Variants in RAPGEF3 observed in about 807,000 individuals in gnomAD.
The protein encoded by RAPGEF3 is 9330170P05Rik.
Under a neutral mutation model 129.8 loss-of-function variants are expected in RAPGEF3, and 103 were observed. The ratio of observed to expected loss-of-function variants is 0.79; its 90% CI spans 0.68 to 0.93. The LOEUF (loss-of-function observed/expected upper bound fraction) is 0.93. Ranked by LOEUF, RAPGEF3 falls within the 40% of genes least tolerant of loss-of-function variation. RAPGEF3 has a pLI of 0.00. For synonymous variants in RAPGEF3, 436 were observed against 482.6 expected (o/e 0.90, Z 1.26); for missense variants, 1,117 against 1,207.4 (o/e 0.93, Z 1.11).
chr12:47,749,390 C>CG lies in RAPGEF3; in HGVS notation c.1040_1041insC (p.Lys347AsnfsTer66). 1 of 1,612,114 alleles carries CG rather than the reference C, an allele frequency of 6.2e-7. No individual in the cohort carries two copies. Among genetic ancestry groups the CG allele is most frequent in the South Asian group, 1.1e-5 (1 of 91,086 alleles). On this transcript the variant is annotated frameshift_variant and splice_region_variant, in exon 10 of 28. Coordinates refer to ENST00000449771, the MANE Select transcript of RAPGEF3 (RefSeq NM_001098531.4). LOFTEE classifies it high-confidence loss of function. This position sits in a 1 kb window ranked among gnomAD's most constrained non-coding sequence, Gnocchi z 4.5. ...CCCTCCCCAACCCCAGCAGCAGCAC[C>CG]TTGATGATACGGTTGAAGTCCTGCT... is the stretch of plus-strand genomic sequence containing the variant.
At chr12:47,747,233 A>G (rs1221253916) in intron 15 of RAPGEF3, among the ~76,000 whole-genome samples, 1 of 152,198 alleles carries the variant, frequency 6.6e-6, no homozygotes, top group East Asian at 1.9e-4. Context: ...AGTCTAGGAA[A>G]TGTACCGGGC....
rs1199125811 is a variant in RAPGEF3, at chr12:47,749,034, C to G, written c.1042-103G>C. ...GCCCCTGAGCCCCATGAGGGTCCCA[C>G]AGGGACCCACAGCCCTTCTCCCACC... On this transcript the variant is annotated intron_variant, in intron 10 of 27. Transcript: ENST00000449771. The surrounding 1 kb of genome is among the most constrained non-coding windows in gnomAD (Gnocchi z 4.5). The G allele has an allele frequency of 1.7e-5, 16 of 955,964 alleles. No individual in the cohort carries two copies. The highest frequency in any genetic ancestry group is 4.4e-5 in the South Asian group (3 of 68,796). 59.2% of individuals were successfully genotyped at this position (955,964 alleles called of 1,614,324 possible). A position where few individuals can be genotyped will look rare whatever the true frequency, so the allele number is the denominator to read the frequency against.
intron 23 of RAPGEF3, 31 bp downstream of exon 23, chr12:47,740,110 A>C (rs1941051129): frequency 6.2e-7 from 1 of 1,606,166 alleles, no homozygotes; most frequent in East Asian, 2.2e-5. Flanking sequence ...TGATCCTAGC[A>C]GAGCCAGGCC....
At chr12:47,738,849 C>T (rs1940959496) in intron 24 of RAPGEF3, 95 bp from the exon 25 acceptor site, 1 of 1,140,420 alleles carries the variant, frequency 8.8e-7, no homozygotes, top group Admixed American at 1.7e-5. Flanking sequence ...TTGGGCCTAC[C>T]TCACCCCATA....
At chr12:47,757,839 G>T in intron 2 of RAPGEF3, 27 bp downstream of exon 2, 2 of 1,537,398 alleles carry the variant, frequency 1.3e-6, no homozygotes, top group Non-Finnish European at 8.8e-7. Context: ...ACTGGCCCTG[G>T]CACCTGGGCA....
Position 47,758,857 on chromosome 12 carries a change from C to A in RAPGEF3, c.-301G>T, listed in dbSNP as rs1942262235. On this transcript the variant is annotated 5_prime_UTR_variant, in exon 1 of 28. Coordinates refer to ENST00000449771, the MANE Select transcript of RAPGEF3 (RefSeq NM_001098531.4). ...CTCAGACGAAGGAGCCAGCTGGCAC[C>A]GGGCGCTGAAGCAAGGCTGCGCTGG... 1 of 1,180,732 alleles carries A rather than the reference C, an allele frequency of 8.5e-7. No homozygotes were observed. Among genetic ancestry groups the A allele is most frequent in the East Asian group, 3.9e-5 (1 of 25,698 alleles). 73.1% of individuals were successfully genotyped at this position (1,180,732 alleles called of 1,614,324 possible). A position where few individuals can be genotyped will look rare whatever the true frequency, so the allele number is the denominator to read the frequency against.
At chr12:47,753,531 G>A (rs1183462824) in intron 2 of RAPGEF3, among the ~76,000 whole-genome samples, 1 of 152,266 alleles carries the variant, frequency 6.6e-6, no homozygotes, top group East Asian at 1.9e-4. Flanking sequence ...CCAGGGCTGG[G>A]CGGAAGTCAC....
chr12:47,750,255 C>T lies in RAPGEF3; in HGVS notation c.756+86G>A, dbSNP rs1270347854. 3.6e-6 allele frequency: 5 copies of T among 1,401,756 alleles called. No homozygotes were observed. In the African/African-American group the frequency reaches 7.1e-5, roughly 20 times the overall value. The allele number at this position is 1,401,756 out of a possible 1,614,324, so 86.8% of individuals were successfully genotyped here. On this transcript the variant is annotated intron_variant, in intron 7 of 27. Coordinates refer to ENST00000449771, the MANE Select transcript of RAPGEF3 (RefSeq NM_001098531.4). ...CCATAGATGGAAGTGGAGAAATGCCCTCTGGCCCAGCAGTTGGAGTTTCAG... is the reference window on the plus strand; with the variant it reads ...CCATAGATGGAAGTGGAGAAATGCCTTCTGGCCCAGCAGTTGGAGTTTCAG...
At chr12:47,741,237 G>A (rs1941146860) in intron 19 of RAPGEF3, 197 bp from the exon 20 acceptor site, 2 of 772,604 alleles carry the variant, frequency 2.6e-6, no homozygotes, top group South Asian at 3.7e-5. Flanking sequence ...CCTCCTTTTG[G>A]GCTCCTGTCT....
In RAPGEF3 at chr12:47,758,736, G is replaced by T; in HGVS notation, c.-180C>A. 1 of 1,334,402 alleles carries T rather than the reference G, an allele frequency of 7.5e-7. No individual in the cohort carries two copies. The allele number at this position is 1,334,402 out of a possible 1,614,324, so 82.7% of individuals were successfully genotyped here. ...AGGGCAGCAGGATGCAGGGCTCGGTGGAGAGGCTCCTCTTGGGTGAGTAGA... is the reference window on the plus strand; with the variant it reads ...AGGGCAGCAGGATGCAGGGCTCGGTTGAGAGGCTCCTCTTGGGTGAGTAGA... On this transcript the variant is annotated 5_prime_UTR_variant, in exon 1 of 28. Transcript: ENST00000449771.
Position 47,740,699 on chromosome 12 carries a change from C to T in RAPGEF3, c.2174G>A (p.Cys725Tyr), listed in dbSNP as rs1188065302. ...QYWVATELCL[C>Y]PVPGPRAQLL... ...CTGGGCCCGGGGGCCGGGCACGGGG[C>T]AGAGACACAGCTCGGTGGCCACCCA... Residue 725 changes from cysteine to tyrosine, a missense_variant, in exon 21 of 28, where the codon TGC becomes TAC. Transcript: ENST00000449771. 5.6e-6 allele frequency: 9 copies of T among 1,613,840 alleles called. No individual in the cohort carries two copies. The highest frequency in any genetic ancestry group is 1.3e-5 in the African/African-American group (1 of 74,948).
chr12:47,737,525 C>T lies in RAPGEF3; in HGVS notation c.*42G>A, dbSNP rs1356443777. The T allele has an allele frequency of 6.3e-7, 1 of 1,578,206 alleles. No homozygotes were observed. On this transcript the variant is annotated 3_prime_UTR_variant, in exon 28 of 28. Coordinates refer to ENST00000449771, the MANE Select transcript of RAPGEF3 (RefSeq NM_001098531.4). ...CTTGGCCCGGCACACCCTGGCTTTC[C>T]CGGCTGCAAGTGCCTGCTCCAGCTC...
chr12:47,739,116 A>T, intron 24 of RAPGEF3, 27 bp downstream of exon 24: 1 of 1,518,758 alleles, frequency 6.6e-7, no homozygotes, highest in Non-Finnish European at 9.1e-7. Flanking sequence ...GGGGGAATGG[A>T]GGGATGGAGG....
At chr12:47,748,010 TTC>T in intron 13 of RAPGEF3, 62 bp downstream of exon 13, 1 of 1,551,028 alleles carries the variant, frequency 6.4e-7, no homozygotes, top group Non-Finnish European at 8.8e-7. Context: ...TGGTGAGATT[TTC>T]TCTCAACCCC....
At chr12:47,756,491 T>C (rs1189777355) in intron 2 of RAPGEF3, 1 of 152,198 alleles carries the variant, frequency 6.6e-6, no homozygotes, top group East Asian at 1.9e-4. Flanking sequence ...AAGACCCTAG[T>C]AGAGAACAGC....
At position 47,751,489 on chromosome 12, in the gene RAPGEF3, C is replaced by T. The variant is rs1249757130; in HGVS notation, c.412G>A (p.Gly138Arg). ...QCCSGRELVD[G>R]ILALGLGVHS... ...ACCCCAAGTCCCAGGGCCAAGATCC[C>T]ATCCACCAGCTCCCGGCCAGAGCAG... The change falls in exon 5 of 28, where the codon GGG (glycine) becomes AGG (arginine). Residue 138 changes from glycine (G) to arginine (R), a missense_variant. Gly to Arg is a moderately radical substitution (Grantham distance 125, BLOSUM62 -2). This residue lies in a region of RAPGEF3 where 367 missense variants were observed against 373.4 expected (regional missense o/e 0.98). Coordinates refer to ENST00000449771, the MANE Select transcript of RAPGEF3 (RefSeq NM_001098531.4). 8.1e-6 allele frequency: 13 copies of T among 1,614,112 alleles called. 1 individual carries two copies. In the Admixed American group the frequency reaches 1.3e-4, roughly 17 times the overall value.
In RAPGEF3 at chr12:47,751,517, C is replaced by T. The variant is rs1299196013; in HGVS notation, c.384G>A (p.Gln128=). 6.2e-7 allele frequency: 1 copy of T among 1,614,206 alleles called. No individual in the cohort carries two copies. The highest frequency in any genetic ancestry group is 1.7e-5 in the Admixed American group (1 of 60,032). Residue 128 remains glutamine, a synonymous_variant, in exon 5 of 28, where the codon CAG becomes CAA. Coordinates refer to ENST00000449771, the MANE Select transcript of RAPGEF3 (RefSeq NM_001098531.4). ...CCACCAGCTCCCGGCCAGAGCAGCA[C>T]TGCCTATGGAAGGTAGAAGGGGACA... ...DRKYHLRLYR[Q]CCSGRELVDG...
chr12:47,735,781 G>C lies in RAPGEF3; in HGVS notation c.*1786C>G, dbSNP rs746314234. On this transcript the variant is annotated 3_prime_UTR_variant, in exon 28 of 28. Transcript: ENST00000449771. The stretch of plus-strand genomic sequence containing the variant: ...AGTCTGAAGAACGGTGAAGGGCCAC[G>C]GCTGGCTGGCTGGCTTTTGCCGAGA... The C allele has an allele frequency of 8.5e-5, 13 of 152,410 alleles. No individual in the cohort carries two copies. Among genetic ancestry groups the C allele is most frequent in the African/African-American group, 2.7e-4 (11 of 41,460 alleles). The allele number at this position is 152,410 out of a possible 1,614,324, so 9.4% of individuals were successfully genotyped here.
chr12:47,736,634 C>G lies in RAPGEF3; in HGVS notation c.*933G>C, dbSNP rs1032459671. The stretch of plus-strand genomic sequence containing the variant: ...TGGGCCTCAACAAGCGACGGGCTCT[C>G]CGCGGAAGCTTCAGCATTGTTTCTA... On this transcript the variant is annotated 3_prime_UTR_variant, in exon 28 of 28. Coordinates refer to ENST00000449771, the MANE Select transcript of RAPGEF3 (RefSeq NM_001098531.4). 3 of 152,334 alleles carry G rather than the reference C, an allele frequency of 2.0e-5. No individual in the cohort carries two copies. The highest frequency in any genetic ancestry group is 7.2e-5 in the African/African-American group (3 of 41,478). The allele number at this position is 152,334 out of a possible 1,614,324, so 9.4% of individuals were successfully genotyped here. A position where few individuals can be genotyped will look rare whatever the true frequency, so the allele number is the denominator to read the frequency against.
Sources: gnomAD v4.1 joint callset for allele counts (sites outside exome capture counted in the v4.1 genomes callset) on GRCh38, gnomAD v4.1.1 for gene constraint, gnomAD v4.1.1 regional missense constraint, Gnocchi (gnomAD v3.1) non-coding constraint, MANE v1.5 for transcripts, NCBI Gene and HGNC (gene_info 2026-07-23, HGNC 2026-07-21) for gene names.